KAZN: variants seen among roughly 807,000 people sequenced by gnomAD.
KAZN encodes the protein kazrin, periplakin interacting protein.
A neutral mutation model predicts 87.4 loss-of-function variants in KAZN; 40 were observed. The observed-to-expected ratio is 0.46, with a 90% CI of 0.36 to 0.60. The LOEUF (loss-of-function observed/expected upper bound fraction) is 0.60. Ranked by LOEUF, KAZN falls within the 20% of genes least tolerant of loss-of-function variation. The probability of loss-of-function intolerance (pLI) is 0.00; values close to 1 mark genes in which losing one functional copy is unlikely to be tolerated. For synonymous variants in KAZN, 466 were observed against 458.3 expected, an observed-to-expected ratio of 1.02 and a Z score of -0.22; for missense variants, 898 against 1,073.9, an observed-to-expected ratio of 0.84 and a Z score of 2.29.
chr1:14,158,434 T>G (rs1378032663), intron 1 of KAZN, among the ~76,000 whole-genome samples: 1 of 152,172 alleles, frequency 6.6e-6, no homozygotes, highest in Admixed American at 6.5e-5. Flanking sequence ...ATTATTCAGC[T>G]CCAAAATTTC....
chr1:14,414,497 G>A (rs997928063), intron 2 of KAZN, among the ~76,000 whole-genome samples: 5 of 152,098 alleles, frequency 3.3e-5, no homozygotes, highest in Non-Finnish European at 7.4e-5. Flanking sequence ...GCATCAACAT[G>A]GATGAAACTG....
intron 1 of KAZN, among the ~76,000 whole-genome samples, chr1:14,103,167 C>T (rs547183549): frequency 1.2e-4 from 19 of 152,212 alleles, no homozygotes; most frequent in African/African-American, 1.2e-4. Flanking sequence ...GTGATCGGCC[C>T]GTCTTGATCT....
chr1:14,614,380 T>G (rs1438731905), intron 1 of KAZN, among the ~76,000 whole-genome samples: 2 of 152,246 alleles, frequency 1.3e-5, no homozygotes, highest in African/African-American at 4.8e-5. Flanking sequence ...GTCCAGAAAC[T>G]GGTTTTCATT....
chr1:14,287,239 C>G (rs1653325868), intron 2 of KAZN, among the ~76,000 whole-genome samples: 2 of 152,150 alleles, frequency 1.3e-5, no homozygotes, highest in South Asian at 4.1e-4. Context: ...CACCCAACAT[C>G]CATTGCCTTT....
intron 1 of KAZN, among the ~76,000 whole-genome samples, chr1:14,069,029 C>A (rs1209079484): frequency 6.6e-6 from 1 of 152,158 alleles, no homozygotes; most frequent in Non-Finnish European, 1.5e-5. Flanking sequence ...GAACTCCTGA[C>A]CTCATGATGT....
chr1:14,602,627 A>C (rs1677069205), intron 1 of KAZN, among the ~76,000 whole-genome samples: 1 of 152,214 alleles, frequency 6.6e-6, no homozygotes, highest in Non-Finnish European at 1.5e-5. Context: ...CTGTTCTTTG[A>C]GGGGAAAATG....
chr1:14,375,988 C>T (rs1225192391), intron 2 of KAZN, among the ~76,000 whole-genome samples: 4 of 151,784 alleles, frequency 2.6e-5, no homozygotes, highest in Non-Finnish European at 5.9e-5. Flanking sequence ...GGAGCCAAGG[C>T]CCCCTTGCAA....
At chr1:15,029,386 G>T (rs1671464241) in intron 2 of KAZN, among the ~76,000 whole-genome samples, 1 of 152,226 alleles carries the variant, frequency 6.6e-6, no homozygotes, top group Non-Finnish European at 1.5e-5. Flanking sequence ...TTAGGCAGAA[G>T]CGAATAATCT....
intron 2 of KAZN, among the ~76,000 whole-genome samples, chr1:14,305,803 G>A (rs12040453): frequency 0.042 from 6,414 of 152,166 alleles, 157 homozygotes; most frequent in East Asian, 0.095. Context: ...AAGAGGCAAG[G>A]CATTTAATCT....
chr1:14,993,161 A>C (rs1393422758), intron 2 of KAZN, among the ~76,000 whole-genome samples: 2 of 138,674 alleles, frequency 1.4e-5, no homozygotes, highest in East Asian at 2.1e-4. Context: ...AGGTTACATA[A>C]GCAATTAAAA....
intron 1 of KAZN, among the ~76,000 whole-genome samples, chr1:14,896,494 CT>C (rs1438583939): frequency 6.6e-6 from 1 of 152,178 alleles, no homozygotes; most frequent in African/African-American, 2.4e-5. Flanking sequence ...ACAAATGGGA[CT>C]TTTTTGGTTA....
chr1:14,090,375 TTCTC>T (rs892113504), intron 1 of KAZN, among the ~76,000 whole-genome samples: 3 of 151,826 alleles, frequency 2.0e-5, no homozygotes, highest in African/African-American at 7.3e-5. Context: ...TCACTAATTT[TTCTC>T]TCTCTCTCTC....
chr1:14,594,357 GA>G (rs1409259850), upstream of KAZN, among the ~76,000 whole-genome samples: 1 of 152,146 alleles, frequency 6.6e-6, no homozygotes, highest in Non-Finnish European at 1.5e-5. Flanking sequence ...TGGTTTTGCA[GA>G]CTTTTCAAAA....
Position 15,096,602 on chromosome 1 carries a change from C to T in KAZN, c.1547+1669C>T, listed in dbSNP as rs929770985. Among the ~76,000 whole-genome samples, 20 of 152,218 alleles carry T rather than the reference C, an allele frequency of 1.3e-4. No homozygotes were observed. Among genetic ancestry groups the T allele is most frequent in the African/African-American group, 4.1e-4 (17 of 41,448 alleles). ...TCTGGGTTGCTTAGACAACAACTTA[C>T]GTCTCACAGTTCTGGAGGCTGGAAG... On this transcript the variant is annotated intron_variant, in intron 10 of 14. Coordinates refer to ENST00000376030, the MANE Select transcript of KAZN (RefSeq NM_201628.3). The surrounding 1 kb of genome is among the most constrained non-coding windows in gnomAD (Gnocchi z 4.5).
At chr1:14,422,252 A>G (rs1665474172) in intron 2 of KAZN, among the ~76,000 whole-genome samples, 1 of 152,212 alleles carries the variant, frequency 6.6e-6, no homozygotes, top group Admixed American at 6.5e-5. Context: ...TGTGCTTCAG[A>G]GAACATCCGT....
intron 1 of KAZN, among the ~76,000 whole-genome samples, chr1:14,644,604 G>C (rs12354286): frequency 6.6e-6 from 1 of 151,936 alleles, no homozygotes; most frequent in South Asian, 2.1e-4. Flanking sequence ...CTCGTGATCC[G>C]CCTGCCTTGG....
chr1:13,949,716 G>A (rs1210280997), intron 1 of KAZN, among the ~76,000 whole-genome samples: 1 of 152,106 alleles, frequency 6.6e-6, no homozygotes, highest in Non-Finnish European at 1.5e-5. Context: ...AAGTAATCTG[G>A]GTCAGCTAGA....
At chr1:14,739,075 A>G (rs1644006242) in intron 1 of KAZN, among the ~76,000 whole-genome samples, 1 of 152,144 alleles carries the variant, frequency 6.6e-6, no homozygotes, top group African/African-American at 2.4e-5. Flanking sequence ...AGTCCTCAGG[A>G]GGCTGAGGTA....
chr1:14,087,578 G>A (rs950161564), intron 1 of KAZN, among the ~76,000 whole-genome samples: 2 of 152,054 alleles, frequency 1.3e-5, no homozygotes, highest in Non-Finnish European at 2.9e-5. Context: ...TAAGTATAGT[G>A]TTAGCTATAG....
Sources: allele counts gnomAD v4.1 joint callset (sites outside exome capture counted in the v4.1 genomes callset), GRCh38; gene constraint gnomAD v4.1.1; non-coding constraint Gnocchi (gnomAD v3.1); transcripts MANE v1.5; gene names NCBI Gene and HGNC (gene_info 2026-07-23, HGNC 2026-07-21).